The following USH2A variants were observed in gnomAD, a reference collection of about 807,000 sequenced individuals.
USH2A encodes the protein Usher syndrome 2A (autosomal recessive, mild).
In USH2A, 443 loss-of-function variants were observed where a neutral mutation model predicts 538.9. The observed-to-expected ratio is 0.82, with a 90% CI of 0.76 to 0.89. The LOEUF is 0.89. Among genes scored for constraint, USH2A ranks in the 40% least tolerant of loss-of-function variants. The pLI is 0.00. For missense variants in USH2A, 6,633 were observed against 6,324.8 expected (o/e 1.05, Z -1.65); for synonymous variants, 2,413 against 2,273.5 (o/e 1.06, Z -1.75).
chr1:215,640,837 A>T, intron 67 of USH2A, 103 bp from the exon 68 acceptor site: 2 of 945,270 alleles, frequency 2.1e-6, no homozygotes, highest in South Asian at 1.9e-5. Flanking sequence ...AACCGAACCA[A>T]TCCAAACAAA....
intron 49 of USH2A, among the ~76,000 whole-genome samples, chr1:215,803,154 T>C (rs1287087859): frequency 1.3e-5 from 2 of 152,142 alleles, no homozygotes; most frequent in South Asian, 2.1e-4. Flanking sequence ...GAGCTATCTA[T>C]GACAAACCCA....
At chr1:216,065,171 G>A (rs1393243312) in intron 30 of USH2A, among the ~76,000 whole-genome samples, 2 of 152,156 alleles carry the variant, frequency 1.3e-5, no homozygotes, top group Non-Finnish European at 2.9e-5. Context: ...ATCCAGTACT[G>A]CCCTACATTG....
intron 43 of USH2A, 61 bp downstream of exon 43, chr1:215,877,697 A>G (rs1444578027): frequency 2.5e-6 from 4 of 1,609,120 alleles, no homozygotes; most frequent in Non-Finnish European, 3.4e-6. Context: ...GATACTTTGA[A>G]CTATTCAACA....
chr1:216,292,677 G>T (rs2037025384), intron 9 of USH2A, among the ~76,000 whole-genome samples: 2 of 152,024 alleles, frequency 1.3e-5, no homozygotes, highest in South Asian at 4.1e-4. Context: ...TTTTGAAAAA[G>T]AGATACAACG....
chr1:215,933,181 T>C (rs914727570), intron 38 of USH2A, among the ~76,000 whole-genome samples: 1 of 151,988 alleles, frequency 6.6e-6, no homozygotes, highest in Non-Finnish European at 1.5e-5. Flanking sequence ...TGGCACTGAT[T>C]ACTCTTTAAT....
At chr1:215,642,203 G>A (rs1050571795) in intron 67 of USH2A, among the ~76,000 whole-genome samples, 4 of 152,180 alleles carry the variant, frequency 2.6e-5, no homozygotes, top group African/African-American at 9.7e-5. Flanking sequence ...GACTGAAAAA[G>A]CTGTAAGTAC....
At chr1:216,035,344 T>A (rs941215315) in intron 32 of USH2A, among the ~76,000 whole-genome samples, 2 of 152,142 alleles carry the variant, frequency 1.3e-5, no homozygotes, top group Admixed American at 6.6e-5. Flanking sequence ...GAAAACATTA[T>A]GTGAAGATGA....
In USH2A at chr1:216,175,365, C is replaced by T. The variant is rs1478726233; in HGVS notation, c.4514G>A (p.Arg1505Lys). 2 of 1,613,794 alleles carry T rather than the reference C, an allele frequency of 1.2e-6. No homozygotes were observed. The highest frequency in any genetic ancestry group is 1.3e-5 in the African/African-American group (1 of 75,038). ...GPSPIYQLER[R>K]ESSLPALMTT... Reference sequence around the variant, plus strand: ...CATCAGAGCTGGTAGAGATGACTCTCTCCTTTCCAGCTGATATATAGGAGA... The same window carrying T: ...CATCAGAGCTGGTAGAGATGACTCTTTCCTTTCCAGCTGATATATAGGAGA... Residue 1505 changes from arginine to lysine, a missense_variant, in exon 21 of 72, where the codon AGA (arginine) becomes AAA (lysine). Physicochemically the swap from Arg to Lys is conservative, Grantham distance 26. Coordinates refer to ENST00000307340, the MANE Select transcript of USH2A (RefSeq NM_206933.4).
chr1:216,207,261 C>T lies in USH2A; in HGVS notation c.3316+12G>A. The T allele has an allele frequency of 1.2e-6, 2 of 1,613,786 alleles. No homozygotes were observed. Among genetic ancestry groups the T allele is most frequent in the Non-Finnish European group, 1.7e-6 (2 of 1,179,814 alleles). On this transcript the variant is annotated intron_variant, in intron 16 of 71. Transcript: ENST00000307340. Reference sequence around the variant, plus strand: ...AGAATATTTATTTCTATTACCAAACCCTTAAACTCACTGTATGGGTATTGA... The same window carrying T: ...AGAATATTTATTTCTATTACCAAACTCTTAAACTCACTGTATGGGTATTGA...
chr1:216,365,111 G>C, intron 3 of USH2A, 26 bp from the exon 4 acceptor site: 1 of 1,598,780 alleles, frequency 6.3e-7, no homozygotes, highest in Non-Finnish European at 8.5e-7. Flanking sequence ...ACCATTATTA[G>C]TTTAAGTGCA....
Position 216,076,769 on chromosome 1 carries a change from A to G in USH2A, c.5572+1320T>C, listed in dbSNP as rs1047585674. ...GAGCTTGCCATATATTTTCTATTCAAAGGCATTTAAATCTTTATGTACTTA... is the reference window on the plus strand; with the variant it reads ...GAGCTTGCCATATATTTTCTATTCAGAGGCATTTAAATCTTTATGTACTTA... On this transcript the variant is annotated intron_variant, in intron 27 of 71. Coordinates refer to ENST00000307340, the MANE Select transcript of USH2A (RefSeq NM_206933.4). Among the ~76,000 whole-genome samples the G allele has an allele frequency of 3.3e-5, 5 of 152,150 alleles. 1 individual carries two copies. Among genetic ancestry groups the G allele is most frequent in the Admixed American group, 3.3e-4 (5 of 15,254 alleles).
intron 9 of USH2A, among the ~76,000 whole-genome samples, chr1:216,298,843 CTTTTT>C (rs10548505): frequency 7.0e-6 from 1 of 143,274 alleles, no homozygotes; most frequent in African/African-American, 2.5e-5. Flanking sequence ...TAGGAGAATA[CTTTTT>C]TTTTTTTTTT....
chr1:215,919,229 A>C (rs1571812927), intron 38 of USH2A, among the ~76,000 whole-genome samples: 1 of 152,130 alleles, frequency 6.6e-6, no homozygotes, highest in South Asian at 2.1e-4. Context: ...ATCAGCAGCC[A>C]TTAAATAATG....
chr1:216,274,744 G>T (rs563410090), intron 11 of USH2A, among the ~76,000 whole-genome samples: 1 of 152,146 alleles, frequency 6.6e-6, no homozygotes, highest in Non-Finnish European at 1.5e-5. Context: ...ATACTCATTT[G>T]CAAAGAAAAG....
At chr1:215,950,505 T>A (rs1052378435) in intron 37 of USH2A, among the ~76,000 whole-genome samples, 2 of 41,876 alleles carry the variant, frequency 4.8e-5, no homozygotes, top group South Asian at 1.7e-3. Flanking sequence ...AATTGCTACC[T>A]TTTTTTTTTT....
At chr1:216,315,982 A>G (rs1326832526) in intron 9 of USH2A, among the ~76,000 whole-genome samples, 10 of 152,178 alleles carry the variant, frequency 6.6e-5, no homozygotes, top group Admixed American at 6.6e-4. Flanking sequence ...TTAAGCATTT[A>G]CTGCTTTTTT....
chr1:215,846,852 C>T (rs1424235697), intron 44 of USH2A, among the ~76,000 whole-genome samples: 3 of 152,116 alleles, frequency 2.0e-5, no homozygotes, highest in Admixed American at 6.5e-5. Context: ...TAACTGATAC[C>T]TAGAAGGATG....
chr1:215,978,023 A>G (rs917302114), intron 35 of USH2A, among the ~76,000 whole-genome samples: 2 of 152,108 alleles, frequency 1.3e-5, no homozygotes, highest in African/African-American at 4.8e-5. Context: ...GCTATTTGAG[A>G]GGCTGACGTG....
intron 32 of USH2A, among the ~76,000 whole-genome samples, chr1:216,024,076 T>C (rs2102504475): frequency 6.6e-6 from 1 of 152,238 alleles, no homozygotes; most frequent in Non-Finnish European, 1.5e-5. Flanking sequence ...TTTTCTTCTT[T>C]GATGCACTTG....
Sources: gnomAD v4.1 joint callset for allele counts (sites outside exome capture counted in the v4.1 genomes callset) on GRCh38, gnomAD v4.1.1 for gene constraint, MANE v1.5 for transcripts, NCBI Gene and HGNC (gene_info 2026-07-23, HGNC 2026-07-21) for gene names.